Variants in ZNF420 observed in about 807,000 individuals in gnomAD.
ZNF420 encodes the protein ATM and p53-associated KZNF protein.
In ZNF420, 31 loss-of-function variants were observed where a neutral mutation model predicts 44.7. That is an observed-to-expected ratio of 0.69 (90% CI 0.52 to 0.94). The LOEUF is 0.94. ZNF420 is among the 40% of genes least tolerant of loss of function. The pLI, the probability that ZNF420 is intolerant of heterozygous loss-of-function variation, is 0.00. For synonymous variants in ZNF420, 245 were observed against 267.4 expected (o/e 0.92, Z 0.82); for missense variants, 681 against 827.9 (o/e 0.82, Z 2.18).
At chr19:37,008,565 A>C (rs907948633) in intron 1 of ZNF420, among the ~76,000 whole-genome samples, 4 of 152,190 alleles carry the variant, frequency 2.6e-5, no homozygotes, top group Non-Finnish European at 5.9e-5. Flanking sequence ...GAGCAGACCG[A>C]CGTCAAAGAT....
chr19:37,022,892 C>G (rs1431878174), intron 1 of ZNF420, among the ~76,000 whole-genome samples: 1 of 152,168 alleles, frequency 6.6e-6, no homozygotes, highest in African/African-American at 2.4e-5. Context: ...AATCCCAGCA[C>G]TTTGGGAGGC....
chr19:37,115,688 T>C (rs1425945314), intron 4 of ZNF420, among the ~76,000 whole-genome samples: 1 of 151,898 alleles, frequency 6.6e-6, no homozygotes, highest in African/African-American at 2.4e-5. Context: ...GCCTTCCTCT[T>C]ATCTCAACTG....
In ZNF420 at chr19:37,008,312, G is replaced by C. The variant is rs565177710; in HGVS notation, c.-125+230G>C. ...TCTCTCTCCCTCTGTTTCTTTCTCTGTGTGTGTGTCCGTGTGAGTGTGTTG... is the reference window on the plus strand; with the variant it reads ...TCTCTCTCCCTCTGTTTCTTTCTCTCTGTGTGTGTCCGTGTGAGTGTGTTG... On this transcript the variant is annotated intron_variant, in intron 1 of 4. Coordinates refer to the ZNF420 transcript ENST00000587029. Among the ~76,000 whole-genome samples, 16 of 152,204 alleles carry C rather than the reference G, an allele frequency of 1.1e-4. No homozygotes were observed. The South Asian group carries it at 3.3e-3, about 32-fold the overall frequency.
chr19:37,035,636 G>A (rs558134054), intron 1 of ZNF420, among the ~76,000 whole-genome samples: 2 of 152,308 alleles, frequency 1.3e-5, no homozygotes, highest in South Asian at 4.1e-4. Context: ...CCCATCATTT[G>A]TTTGCTGTTG....
chr19:37,014,992 T>C (rs1471772257), intron 1 of ZNF420, among the ~76,000 whole-genome samples: 1 of 151,966 alleles, frequency 6.6e-6, no homozygotes, highest in Non-Finnish European at 1.5e-5. Context: ...TTGAAAGTCG[T>C]CCCCCCGGGA....
chr19:37,069,457 C>A (rs1367050086), intron 1 of ZNF420, among the ~76,000 whole-genome samples: 5 of 152,084 alleles, frequency 3.3e-5, no homozygotes, highest in Non-Finnish European at 7.4e-5. Flanking sequence ...CCTAATAAAC[C>A]CATCACAAGT....
chr19:37,081,441 C>G (rs550994039), intron 2 of ZNF420, among the ~76,000 whole-genome samples: 6 of 150,802 alleles, frequency 4.0e-5, no homozygotes, highest in Admixed American at 4.0e-4. Flanking sequence ...TCTTCCATAT[C>G]TTTACTGAGT....
At chr19:37,009,913 C>T (rs1220758428) in intron 1 of ZNF420, among the ~76,000 whole-genome samples, 1 of 152,098 alleles carries the variant, frequency 6.6e-6, no homozygotes, top group Non-Finnish European at 1.5e-5. Context: ...GAGTCCGGCC[C>T]TAGGGCGCCC....
At chr19:37,102,792 CCATAATCTCT>C (rs1969853955) in intron 4 of ZNF420, among the ~76,000 whole-genome samples, 1 of 152,128 alleles carries the variant, frequency 6.6e-6, no homozygotes, top group African/African-American at 2.4e-5. Context: ...GACGTCACTC[CCATAATCTCT>C]CATAAACACT....
At chr19:37,036,005 T>C (rs908168716) in intron 1 of ZNF420, among the ~76,000 whole-genome samples, 10 of 152,198 alleles carry the variant, frequency 6.6e-5, no homozygotes, top group Non-Finnish European at 1.3e-4. Context: ...AGCCCATGGT[T>C]CACCATTTTA....
At chr19:37,057,774 A>G (rs901818155) in intron 1 of ZNF420, among the ~76,000 whole-genome samples, 1 of 152,058 alleles carries the variant, frequency 6.6e-6, no homozygotes, top group African/African-American at 2.4e-5. Context: ...AGATGACCAC[A>G]CTTCAGCCAA....
At chr19:37,116,769 T>C (rs1970715027) in intron 4 of ZNF420, among the ~76,000 whole-genome samples, 1 of 152,186 alleles carries the variant, frequency 6.6e-6, no homozygotes, top group Non-Finnish European at 1.5e-5. Flanking sequence ...ACTGCGCTTT[T>C]CCAACGGGCT....
chr19:37,129,280 G>C lies in ZNF420; in HGVS notation c.*222G>C, dbSNP rs1402711712. 1.8e-6 allele frequency: 1 copy of C among 556,584 alleles called. No individual in the cohort carries two copies. The highest frequency in any genetic ancestry group is 3.0e-5 in the East Asian group (1 of 33,232). 34.5% of individuals were successfully genotyped at this position (556,584 alleles called of 1,614,324 possible). A position where few individuals can be genotyped will look rare whatever the true frequency, so the allele number is the denominator to read the frequency against. On this transcript the variant is annotated 3_prime_UTR_variant, in exon 5 of 5. Transcript: ENST00000337995. ...AATAGTTTTAATATAGTAAATGTAGGAAGCCCTTTAGCCATATTGAAAACA... is the reference window on the plus strand; with the variant it reads ...AATAGTTTTAATATAGTAAATGTAGCAAGCCCTTTAGCCATATTGAAAACA...
chr19:37,123,599 CTTTTTTTTT>C lies in ZNF420; in HGVS notation c.137-3514_137-3506del, dbSNP rs762782458. ...CTTCTTTATTTTCTTTTACTCTTGT[CTTTTTTTTT>C]TTTTTTTTTTTTTTGAGCGGAGTCT... On this transcript the variant is annotated intron_variant, in intron 4 of 4. Coordinates refer to ENST00000337995, the MANE Select transcript of ZNF420 (RefSeq NM_144689.5). 5.1e-3 allele frequency among the ~76,000 whole-genome samples: 411 copies of C among 80,356 alleles called. 5 individuals carry two copies. The highest frequency in any genetic ancestry group is 0.022 in the African/African-American group (387 of 17,294). 52.7% of individuals were successfully genotyped at this position (80,356 alleles called of 152,430 possible). A position where few individuals can be genotyped will look rare whatever the true frequency, so the allele number is the denominator to read the frequency against.
intron 4 of ZNF420, among the ~76,000 whole-genome samples, chr19:37,108,003 C>T (rs187482190): frequency 6.0e-4 from 92 of 152,270 alleles, no homozygotes; most frequent in Non-Finnish European, 4.7e-4. Flanking sequence ...TCCAGTCACA[C>T]TGTAACTGGA....
At chr19:37,041,256 A>T (rs371662083) in intron 1 of ZNF420, among the ~76,000 whole-genome samples, 9 of 151,062 alleles carry the variant, frequency 6.0e-5, no homozygotes, top group African/African-American at 2.2e-4. Context: ...GGTTGCAGTG[A>T]GCTGAGATCA....
chr19:37,087,526 T>G (rs372855015), intron 2 of ZNF420, among the ~76,000 whole-genome samples: 8 of 152,156 alleles, frequency 5.3e-5, no homozygotes, highest in African/African-American at 1.9e-4. Context: ...AAAAATGTAT[T>G]GAGCACCTGT....
At chr19:37,031,960 T>C (rs1967266650) in intron 1 of ZNF420, among the ~76,000 whole-genome samples, 1 of 150,496 alleles carries the variant, frequency 6.6e-6, no homozygotes, top group African/African-American at 2.4e-5. Context: ...ATCCCAGCAC[T>C]TTGGAAGGCC....
rs1970978992 is a variant in ZNF420, at chr19:37,120,687, C to G, written c.137-6441C>G. On this transcript the variant is annotated intron_variant, in intron 4 of 4. Transcript: ENST00000337995. ...TAGGAAAAGAGGAAGTCAAATTGTC[C>G]CTGTTTGCAGATGACATGATTGTGT... Among the ~76,000 whole-genome samples, 3 of 152,140 alleles carry G rather than the reference C, an allele frequency of 2.0e-5. No individual in the cohort carries two copies. The South Asian group carries it at 6.2e-4, about 32-fold the overall frequency.
Sources: gnomAD v4.1 joint callset for allele counts (sites outside exome capture counted in the v4.1 genomes callset) on GRCh38, gnomAD v4.1.1 for gene constraint, MANE v1.5 for transcripts, NCBI Gene and HGNC (gene_info 2026-07-23, HGNC 2026-07-21) for gene names.